Variants in GLDN observed in about 807,000 individuals in gnomAD.
GLDN encodes gliomedin.
Under a neutral mutation model 56.5 loss-of-function variants are expected in GLDN, and 47 were observed. The observed-to-expected ratio is 0.83, with a 90% confidence interval of 0.66 to 1.06. The LOEUF (loss-of-function observed/expected upper bound fraction) is 1.06, where lower values mean the gene tolerates loss of function less well. Among genes scored for constraint, GLDN ranks in the 50% least tolerant of loss-of-function variants. GLDN has a pLI of 0.00. For synonymous variants in GLDN, 332 were observed against 278.8 expected (o/e 1.19, Z -1.90); for missense variants, 782 against 714.3 (o/e 1.09, Z -1.08).
chr15:51,347,853 G>A (rs1246000580), intron 1 of GLDN, among the ~76,000 whole-genome samples: 1 of 152,198 alleles, frequency 6.6e-6, no homozygotes, highest in East Asian at 1.9e-4. Flanking sequence ...CTAAGTAGCT[G>A]TAGAACAAGA....
chr15:51,386,498 C>G (rs551155201), intron 4 of GLDN, among the ~76,000 whole-genome samples: 1 of 152,190 alleles, frequency 6.6e-6, no homozygotes, highest in African/African-American at 2.4e-5. Context: ...GGACCAGAGG[C>G]AGCAGGGCCA....
In GLDN at chr15:51,382,027, T is replaced by A. The variant is rs150048424; in HGVS notation, c.416-1409T>A. 2.4e-3 allele frequency among the ~76,000 whole-genome samples: 370 copies of A among 152,226 alleles called. 1 individual carries two copies. Among genetic ancestry groups the A allele is most frequent in the African/African-American group, 8.6e-3 (356 of 41,540 alleles). ...ACCATACCCAGGTCCTTCTTCAGCC[T>A]CATCTCTACACACTTGGCCAGTCCT... On this transcript the variant is annotated intron_variant, in intron 2 of 9. Transcript: ENST00000335449.
intron 1 of GLDN, among the ~76,000 whole-genome samples, chr15:51,360,741 A>G (rs2141063521): frequency 6.6e-6 from 1 of 152,296 alleles, no homozygotes; most frequent in Non-Finnish European, 1.5e-5. Context: ...CTTTCTTATC[A>G]TGCCTGAGAG....
At chr15:51,347,287 G>T (rs985392418) in intron 1 of GLDN, among the ~76,000 whole-genome samples, 6 of 152,160 alleles carry the variant, frequency 3.9e-5, no homozygotes, top group Non-Finnish European at 8.8e-5. Flanking sequence ...TAAAAATGTA[G>T]ATTTCAACTA....
chr15:51,366,850 AG>A (rs1173214336), intron 1 of GLDN, among the ~76,000 whole-genome samples: 3 of 151,974 alleles, frequency 2.0e-5, no homozygotes, highest in African/African-American at 7.3e-5. Flanking sequence ...ACTGCACTCC[AG>A]CCTGGACAAC....
intron 1 of GLDN, among the ~76,000 whole-genome samples, chr15:51,373,322 A>G (rs1234342707): frequency 6.6e-6 from 1 of 152,228 alleles, no homozygotes; most frequent in Non-Finnish European, 1.5e-5. Flanking sequence ...GAACCCAAGT[A>G]TATGAAAAGT....
intron 1 of GLDN, among the ~76,000 whole-genome samples, chr15:51,366,233 T>G (rs1393286379): frequency 6.6e-6 from 1 of 151,850 alleles, no homozygotes; most frequent in African/African-American, 2.4e-5. Context: ...CCTTTGGGAG[T>G]GGCTCAGGAT....
At chr15:51,401,814 T>C in intron 9 of GLDN, 71 bp downstream of exon 9, 1 of 1,382,550 alleles carries the variant, frequency 7.2e-7, no homozygotes, top group Non-Finnish European at 1.0e-6. Flanking sequence ...TGTGAGCAAT[T>C]AGGGGTAGGG....
intron 1 of GLDN, among the ~76,000 whole-genome samples, chr15:51,359,534 T>G (rs1301520586): frequency 1.3e-5 from 2 of 152,110 alleles, no homozygotes; most frequent in East Asian, 3.9e-4. Context: ...GCATGGAGAC[T>G]GGAGTCACAG....
intron 1 of GLDN, among the ~76,000 whole-genome samples, chr15:51,352,025 A>G (rs1394141692): frequency 1.3e-5 from 2 of 152,228 alleles, no homozygotes; most frequent in African/African-American, 2.4e-5. Context: ...AAGATTTATC[A>G]TATTCTTAGT....
chr15:51,380,071 T>C (rs2141093513), intron 2 of GLDN, among the ~76,000 whole-genome samples: 1 of 152,224 alleles, frequency 6.6e-6, no homozygotes, highest in South Asian at 2.1e-4. Context: ...TGGCAGAAGT[T>C]ACTGATGGGG....
intron 4 of GLDN, among the ~76,000 whole-genome samples, chr15:51,387,586 T>A (rs2446406): frequency 0.21 from 31,400 of 152,036 alleles, 3,984 homozygotes; most frequent in Admixed American, 0.29. Flanking sequence ...CTCACGTGGG[T>A]ACGCAACCTT....
At chr15:51,350,864 A>G (rs570192057) in intron 1 of GLDN, among the ~76,000 whole-genome samples, 107 of 152,324 alleles carry the variant, frequency 7.0e-4, no homozygotes, top group Non-Finnish European at 1.4e-3. Context: ...AATGAATGGC[A>G]TGAAACCATC....
chr15:51,349,065 T>C (rs892856408), intron 1 of GLDN, among the ~76,000 whole-genome samples: 3 of 152,250 alleles, frequency 2.0e-5, no homozygotes, highest in African/African-American at 4.8e-5. Flanking sequence ...TCACTACGGC[T>C]TTTCAAAAGC....
rs536398576 is a variant in GLDN, at chr15:51,384,398, G to A, written c.541+506G>A. On this transcript the variant is annotated intron_variant, in intron 4 of 9. Coordinates refer to ENST00000335449, the MANE Select transcript of GLDN (RefSeq NM_181789.4). ...GCAGCATCCTGGCCTCCCTGTGGCC[G>A]GCACTCAGGTCAAAGGGTCTCCTCT... 4.3e-4 allele frequency: 78 copies of A among 183,498 alleles called. 1 individual carries two copies. Among genetic ancestry groups the A allele is most frequent in the Admixed American group, 3.7e-3 (60 of 16,180 alleles). The allele number at this position is 183,498 out of a possible 1,614,324, so 11.4% of individuals were successfully genotyped here.
intron 1 of GLDN, among the ~76,000 whole-genome samples, chr15:51,361,414 C>T (rs1467257595): frequency 6.6e-6 from 1 of 152,124 alleles, no homozygotes; most frequent in Non-Finnish European, 1.5e-5. Flanking sequence ...ATTTGGGTAT[C>T]TGCCAGTTTC....
At chr15:51,343,516 C>T (rs1270294977) in intron 1 of GLDN, among the ~76,000 whole-genome samples, 1 of 152,184 alleles carries the variant, frequency 6.6e-6, no homozygotes, top group Admixed American at 6.5e-5. Flanking sequence ...CGAATTGCAA[C>T]CTATTCCGTC....
At chr15:51,382,775 A>C (rs2037795430) in intron 2 of GLDN, among the ~76,000 whole-genome samples, 1 of 152,058 alleles carries the variant, frequency 6.6e-6, no homozygotes, top group African/African-American at 2.4e-5. Flanking sequence ...TCAAGTGCTC[A>C]TGTTACAACC....
At chr15:51,401,977 A>T (rs1487182203) in intron 9 of GLDN, among the ~76,000 whole-genome samples, 2 of 152,122 alleles carry the variant, frequency 1.3e-5, no homozygotes, top group Non-Finnish European at 2.9e-5. Context: ...CAGCCCGAGG[A>T]AGGTCAGAGC....
Sources: gnomAD v4.1 joint callset for allele counts (sites outside exome capture counted in the v4.1 genomes callset) on GRCh38, gnomAD v4.1.1 for gene constraint, MANE v1.5 for transcripts, NCBI Gene and HGNC (gene_info 2026-07-23, HGNC 2026-07-21) for gene names.